BBX: variants seen among roughly 807,000 people sequenced by gnomAD.
BBX encodes HMG box transcription factor BBX.
BBX carries 30 observed loss-of-function variants against 100.2 expected under a neutral mutation model. The ratio of observed to expected loss-of-function variants is 0.30; its 90% CI spans 0.22 to 0.41. The LOEUF is 0.41. Among genes scored for constraint, BBX ranks in the 10% least tolerant of loss-of-function variants. The pLI is 1.00. For missense variants in BBX, 1,023 were observed against 1,129.8 expected (o/e 0.91, Z 1.35); for synonymous variants, 376 against 388.1 (o/e 0.97, Z 0.37).
intron 2 of BBX, among the ~76,000 whole-genome samples, chr3:107,527,455 C>T (rs1011694729): frequency 6.6e-6 from 1 of 152,130 alleles, no homozygotes; most frequent in Non-Finnish European, 1.5e-5. Context: ...AAATTATTGT[C>T]TTTGTATTAA....
At chr3:107,799,969 AT>A (rs1475237982) in intron 16 of BBX, among the ~76,000 whole-genome samples, 1 of 152,090 alleles carries the variant, frequency 6.6e-6, no homozygotes. Context: ...ATTTTATTTT[AT>A]GTGATTTGGG....
chr3:107,615,966 T>G (rs1356362885), intron 2 of BBX, among the ~76,000 whole-genome samples: 1 of 128,740 alleles, frequency 7.8e-6, no homozygotes, highest in Non-Finnish European at 1.6e-5. Context: ...TCCCCACCCA[T>G]GGAATGAGAA....
chr3:107,623,247 C>T (rs2055918116), intron 2 of BBX, among the ~76,000 whole-genome samples: 1 of 152,156 alleles, frequency 6.6e-6, no homozygotes, highest in African/African-American at 2.4e-5. Context: ...ATAAAAACAA[C>T]AGGGGTTAGC....
chr3:107,728,114 G>A (rs1398875188), intron 5 of BBX, among the ~76,000 whole-genome samples: 2 of 152,116 alleles, frequency 1.3e-5, no homozygotes, highest in African/African-American at 4.8e-5. Context: ...ATGGATTATT[G>A]CAACATCACA....
chr3:107,654,397 CT>C (rs1220136230), intron 3 of BBX, among the ~76,000 whole-genome samples: 2 of 151,940 alleles, frequency 1.3e-5, no homozygotes, highest in Non-Finnish European at 2.9e-5. Flanking sequence ...AATCATGTCT[CT>C]TTTTATGAGT....
chr3:107,799,929 G>C (rs560907928), intron 16 of BBX, among the ~76,000 whole-genome samples: 24 of 152,282 alleles, frequency 1.6e-4, no homozygotes, highest in African/African-American at 5.8e-4. Flanking sequence ...GGCCTTGGCT[G>C]TTGCCTTTCT....
chr3:107,622,194 A>G (rs752241458), intron 2 of BBX, among the ~76,000 whole-genome samples: 63 of 152,186 alleles, frequency 4.1e-4, no homozygotes, highest in African/African-American at 8.4e-4. Flanking sequence ...GTCACGTGGT[A>G]TACAACCTTT....
chr3:107,746,970 T>C (rs6437740), intron 8 of BBX, among the ~76,000 whole-genome samples: 37,773 of 152,080 alleles, frequency 0.25, 4,910 homozygotes, highest in African/African-American at 0.29. Context: ...GGGCTGAAGT[T>C]ATTATGATGC....
chr3:107,626,139 A>C (rs1378116136), intron 2 of BBX, among the ~76,000 whole-genome samples: 2 of 152,224 alleles, frequency 1.3e-5, no homozygotes, highest in African/African-American at 4.8e-5. Flanking sequence ...AAGTTTTTCT[A>C]AAAGTTTAGG....
chr3:107,560,264 G>A (rs533314543), intron 2 of BBX, among the ~76,000 whole-genome samples: 21 of 151,408 alleles, frequency 1.4e-4, no homozygotes, highest in African/African-American at 5.1e-4. Context: ...TGTCTTCTCA[G>A]TTCCTCCTAG....
intron 2 of BBX, among the ~76,000 whole-genome samples, chr3:107,633,932 T>G (rs1314227431): frequency 6.6e-6 from 1 of 152,222 alleles, no homozygotes; most frequent in Non-Finnish European, 1.5e-5. Context: ...TCCATAGTCC[T>G]TATGTTCTTA....
intron 2 of BBX, among the ~76,000 whole-genome samples, chr3:107,620,604 G>A (rs2055671605): frequency 6.6e-6 from 1 of 152,194 alleles, no homozygotes; most frequent in African/African-American, 2.4e-5. Context: ...GTTCTCACCT[G>A]TCCTCCATTG....
chr3:107,744,690 C>G lies in BBX; in HGVS notation c.730C>G (p.Pro244Ala). ...SESPELRQKS[P>A]LFQFAEISSS... ...ATCTCCTGAATTACGTCAGAAGTCA[C>G]CATTGTTTCAGTTTGCCGAGGTAAT... is the stretch of plus-strand genomic sequence containing the variant. The change falls in exon 8 of 18, where the codon CCA becomes GCA. Residue 244 changes from proline to alanine, a missense_variant. Around this residue, in one of 9 missense-constraint regions of BBX, gnomAD observed 95 missense variants for 95.1 expected, o/e 1.00. Transcript: ENST00000325805. The G allele has an allele frequency of 6.2e-7, 1 of 1,613,048 alleles. No homozygotes were observed. Among genetic ancestry groups the G allele is most frequent in the Non-Finnish European group, 8.5e-7 (1 of 1,179,236 alleles).
chr3:107,772,498 G>C (rs2066987108), intron 10 of BBX, 130 bp from the exon 11 acceptor site: 5 of 984,204 alleles, frequency 5.1e-6, no homozygotes, highest in Non-Finnish European at 7.2e-6. Flanking sequence ...GGCAGAAGTG[G>C]GCTGATTGTT....
chr3:107,774,193 A>G (rs1460198766), intron 11 of BBX, among the ~76,000 whole-genome samples: 3 of 152,104 alleles, frequency 2.0e-5, no homozygotes, highest in African/African-American at 7.2e-5. Flanking sequence ...AAAATAGTTA[A>G]CCTGTTTACC....
At chr3:107,535,946 A>G (rs983384552) in intron 2 of BBX, among the ~76,000 whole-genome samples, 4 of 152,242 alleles carry the variant, frequency 2.6e-5, no homozygotes, top group African/African-American at 9.6e-5. Flanking sequence ...ATTTTACTAA[A>G]GGAATTAACA....
chr3:107,696,973 C>T (rs1196683928), intron 3 of BBX, among the ~76,000 whole-genome samples: 2 of 151,892 alleles, frequency 1.3e-5, no homozygotes, highest in African/African-American at 4.9e-5. Flanking sequence ...GATACCCTTT[C>T]TTCCATTTGA....
At chr3:107,760,340 C>T (rs1265691038) in intron 10 of BBX, among the ~76,000 whole-genome samples, 1 of 152,180 alleles carries the variant, frequency 6.6e-6, no homozygotes, top group Non-Finnish European at 1.5e-5. Flanking sequence ...ACAGATTGTC[C>T]AAGACTGCTG....
chr3:107,552,403 C>T (rs2049776335), intron 2 of BBX, among the ~76,000 whole-genome samples: 1 of 142,754 alleles, frequency 7.0e-6, no homozygotes, highest in Non-Finnish European at 1.5e-5. Context: ...GTCTGATCCT[C>T]TGCTCATGTT....
Sources: gnomAD v4.1 joint callset for allele counts (sites outside exome capture counted in the v4.1 genomes callset) on GRCh38, gnomAD v4.1.1 for gene constraint, gnomAD v4.1.1 regional missense constraint, MANE v1.5 for transcripts, NCBI Gene and HGNC (gene_info 2026-07-23, HGNC 2026-07-21) for gene names.